SLC27A6: variants seen among roughly 807,000 people sequenced by gnomAD.
SLC27A6 encodes the protein solute carrier family 27 member 6.
SLC27A6 carries 74 observed loss-of-function variants against 63.9 expected under a neutral mutation model. The observed-to-expected ratio is 1.16, with a 90% CI of 0.96 to 1.40. The LOEUF is 1.40. Ranked by LOEUF, SLC27A6 falls within the 40% of genes most tolerant of loss-of-function variation. The pLI is 0.00. For missense variants in SLC27A6, 794 were observed against 732.9 expected (o/e 1.08, Z -0.96); for synonymous variants, 287 against 260.8 (o/e 1.10, Z -0.97).
chr5:129,005,003 A>G (rs1398732332), intron 4 of SLC27A6, among the ~76,000 whole-genome samples: 1 of 152,164 alleles, frequency 6.6e-6, no homozygotes, highest in Non-Finnish European at 1.5e-5. Context: ...TTCAGGTGCT[A>G]TCCCTGGCCC....
intron 4 of SLC27A6, among the ~76,000 whole-genome samples, chr5:128,998,510 A>C (rs921834387): frequency 6.6e-6 from 1 of 152,148 alleles, no homozygotes; most frequent in East Asian, 1.9e-4. Flanking sequence ...TTTAAAATAA[A>C]ACTTTAATAA....
At chr5:129,006,326 G>A (rs996139014) in intron 4 of SLC27A6, among the ~76,000 whole-genome samples, 11 of 151,722 alleles carry the variant, frequency 7.3e-5, no homozygotes, top group African/African-American at 2.4e-4. Flanking sequence ...TCCTGACCTC[G>A]TGATCTGCCC....
intron 4 of SLC27A6, among the ~76,000 whole-genome samples, chr5:129,010,359 A>G (rs1352623146): frequency 1.3e-5 from 2 of 152,190 alleles, no homozygotes; most frequent in African/African-American, 4.8e-5. Context: ...AATTCCTGGA[A>G]TGCGTGAATA....
At chr5:128,980,847 T>C (rs1243045921) in intron 1 of SLC27A6, among the ~76,000 whole-genome samples, 4 of 152,198 alleles carry the variant, frequency 2.6e-5, no homozygotes, top group Admixed American at 2.6e-4. Flanking sequence ...AAGTATTAGC[T>C]TGTTTTATGT....
intron 1 of SLC27A6, among the ~76,000 whole-genome samples, chr5:128,978,554 T>C (rs911566749): frequency 3.9e-5 from 6 of 152,224 alleles, no homozygotes; most frequent in Non-Finnish European, 7.4e-5. Context: ...AAGACAGTTA[T>C]CAGATACCAG....
At chr5:129,006,071 G>GTTGTTTTTTTTTTTTTT (rs1751513945) in intron 4 of SLC27A6, among the ~76,000 whole-genome samples, 1 of 60,148 alleles carries the variant, frequency 1.7e-5, no homozygotes, top group Non-Finnish European at 2.7e-5. Flanking sequence ...TGTGCACACT[G>GTTGTTTTTTTTTTTTTT]TTTTTTTTTT....
At chr5:129,005,802 CG>C (rs1353199665) in intron 4 of SLC27A6, among the ~76,000 whole-genome samples, 1 of 151,302 alleles carries the variant, frequency 6.6e-6, no homozygotes, top group Non-Finnish European at 1.5e-5. Context: ...TTAGTGGAGA[CG>C]GGGTTTCACG....
intron 4 of SLC27A6, among the ~76,000 whole-genome samples, chr5:128,994,592 C>T (rs1389051754): frequency 5.3e-5 from 8 of 152,152 alleles, no homozygotes; most frequent in Non-Finnish European, 1.0e-4. Flanking sequence ...GTGACATGGT[C>T]CAGGTCCTTA....
At chr5:128,970,642 T>TC (rs1467518389) in intron 1 of SLC27A6, among the ~76,000 whole-genome samples, 3 of 152,138 alleles carry the variant, frequency 2.0e-5, no homozygotes, top group Non-Finnish European at 2.9e-5. Flanking sequence ...ATTTGACTCT[T>TC]CTCTCTTTTC....
chr5:129,016,100 A>G, intron 5 of SLC27A6, 21 bp downstream of exon 5: 1 of 1,537,192 alleles, frequency 6.5e-7, no homozygotes, highest in Non-Finnish European at 8.8e-7. Flanking sequence ...CATTTTCCTT[A>G]TTAAAGAAAT....
At position 129,027,050 on chromosome 5, in the gene SLC27A6, C is replaced by G. The variant is rs1752266294; in HGVS notation, c.1256-83C>G. The G allele has an allele frequency of 5.2e-6, 6 of 1,145,040 alleles. No homozygotes were observed. In the South Asian group the frequency reaches 5.3e-5, roughly 10 times the overall value. The allele number at this position is 1,145,040 out of a possible 1,614,324, so 70.9% of individuals were successfully genotyped here. ...AGATAAGCAGCATTGGTTGTGCTGG[C>G]CAGATATAATATAGATACATTCATG... On this transcript the variant is annotated intron_variant, in intron 6 of 9. Coordinates refer to ENST00000262462, the MANE Select transcript of SLC27A6 (RefSeq NM_001017372.3).
At position 128,966,686 on chromosome 5, in the gene SLC27A6, T is replaced by C. The variant is rs113407086; in HGVS notation, c.481+68T>C. 10 of 1,368,456 alleles carry C rather than the reference T, an allele frequency of 7.3e-6. No individual in the cohort carries two copies. In the East Asian group the frequency reaches 1.0e-4, roughly 14 times the overall value. 84.8% of individuals were successfully genotyped at this position (1,368,456 alleles called of 1,614,324 possible). A position where few individuals can be genotyped will look rare whatever the true frequency, so the allele number is the denominator to read the frequency against. On this transcript the variant is annotated intron_variant, in intron 1 of 9. Transcript: ENST00000262462. Reference sequence around the variant, plus strand: ...ACCTGCTTTCATACCCTTTTTTTTTTCTTTAGGATAATTCGTAACTAATAT... The same window carrying C: ...ACCTGCTTTCATACCCTTTTTTTTTCCTTTAGGATAATTCGTAACTAATAT...
At chr5:128,974,352 G>A (rs188179268) in intron 1 of SLC27A6, among the ~76,000 whole-genome samples, 1 of 152,304 alleles carries the variant, frequency 6.6e-6, no homozygotes, top group Admixed American at 6.5e-5. Context: ...CTATTTAGTT[G>A]ATTGGCTCGG....
chr5:128,966,587 C>T lies in SLC27A6; in HGVS notation c.450C>T (p.Ala150=), dbSNP rs1299709297. 2 of 1,543,212 alleles carry T rather than the reference C, an allele frequency of 1.3e-6. No homozygotes were observed. The highest frequency in any genetic ancestry group is 8.7e-7 in the Non-Finnish European group (1 of 1,152,710). The change falls in exon 1 of 10, where the codon GCC becomes GCT. Residue 150 remains alanine (A), a synonymous_variant. Transcript: ENST00000262462. ...ACTCCCTCCTGAATTGCATCCGCGC[C>T]TGTGGGCCCAGAGCCCTAGTGGTGG... is the stretch of plus-strand genomic sequence containing the variant. The part of the protein sequence containing the change: ...RSNSLLNCIR[A]CGPRALVVGA...
rs1199220513 is a variant in SLC27A6 at position 128,985,118 on chromosome 5, C to A, written c.482-15C>A. ...TTAAGGTTTGCTTAACTCTTCCCAA[C>A]CCTTTGGCTTTTAGATTTGCTTGGA... On this transcript the variant is annotated splice_polypyrimidine_tract_variant and intron_variant, in intron 1 of 9. Coordinates refer to ENST00000262462, the MANE Select transcript of SLC27A6 (RefSeq NM_001017372.3). The A allele has an allele frequency of 6.2e-7, 1 of 1,603,774 alleles. No homozygotes were observed. Among genetic ancestry groups the A allele is most frequent in the Non-Finnish European group, 8.5e-7 (1 of 1,172,182 alleles).
At chr5:128,997,057 T>A (rs553852563) in intron 4 of SLC27A6, among the ~76,000 whole-genome samples, 1 of 152,268 alleles carries the variant, frequency 6.6e-6, no homozygotes, top group African/African-American at 2.4e-5. Flanking sequence ...AAGTGTTTTA[T>A]CATGTTTTCT....
intron 4 of SLC27A6, among the ~76,000 whole-genome samples, chr5:129,007,443 A>T (rs1751578408): frequency 8.5e-5 from 2 of 23,616 alleles, no homozygotes; most frequent in South Asian, 2.7e-3. Context: ...ACTCAGTCTT[A>T]AAAAAAAAAA....
rs556838671 is a variant in SLC27A6, at chr5:129,026,499, CTG to C, written c.1256-632_1256-631del. Among the ~76,000 whole-genome samples the C allele has an allele frequency of 9.8e-4, 149 of 152,234 alleles. 1 individual carries two copies. The highest frequency in any genetic ancestry group is 1.7e-3 in the Admixed American group (26 of 15,280). The stretch of plus-strand genomic sequence containing the variant: ...CAGAATAGCATCCCAGAGGAATAAA[CTG>C]TTTTATTATAATAACATGTGTGTTG... On this transcript the variant is annotated intron_variant, in intron 6 of 9. Transcript: ENST00000262462.
rs1392684675 is a variant in SLC27A6 at position 129,027,255 on chromosome 5, C to T, written c.1378C>T (p.Leu460Phe). ...CDVFKKGDVY[L>F]NTGDLIVQDQ... ...TGTTTTTAAGAAGGGAGATGTTTAC[C>T]TTAATACTGGAGACTTAATAGTCCA... The change falls in exon 7 of 10, where the codon CTT (leucine) becomes TTT (phenylalanine). Residue 460 changes from leucine (L) to phenylalanine (F), a missense_variant. By Grantham distance (22) the Leu-to-Phe change is conservative (BLOSUM62 0). Coordinates refer to ENST00000262462, the MANE Select transcript of SLC27A6 (RefSeq NM_001017372.3). 6.2e-7 allele frequency: 1 copy of T among 1,613,162 alleles called. No homozygotes were observed.
Sources: gnomAD v4.1 joint callset for allele counts (sites outside exome capture counted in the v4.1 genomes callset) on GRCh38, gnomAD v4.1.1 for gene constraint, MANE v1.5 for transcripts, NCBI Gene and HGNC (gene_info 2026-07-23, HGNC 2026-07-21) for gene names.